Variants in EVL observed in about 807,000 individuals in gnomAD.
EVL encodes Enah/Vasp-like.
Under a neutral mutation model 59.6 loss-of-function variants are expected in EVL, and 21 were observed. The ratio of observed to expected loss-of-function variants is 0.35; its 90% CI spans 0.25 to 0.51. EVL has a LOEUF of 0.51. Among genes scored for constraint, EVL ranks in the 20% least tolerant of loss-of-function variants. The pLI is 0.97. For missense variants in EVL, 462 were observed against 546.6 expected (o/e 0.85, Z 1.54); for synonymous variants, 198 against 203.5 (o/e 0.97, Z 0.23).
chr14:100,077,649 G>A (rs889659047), intron 1 of EVL, among the ~76,000 whole-genome samples: 11 of 152,266 alleles, frequency 7.2e-5, no homozygotes, highest in South Asian at 2.1e-4. Flanking sequence ...ACCAGCAAAC[G>A]TGTGTTACAG....
At chr14:100,064,062 CCAAA>C (rs2061883494), upstream of EVL, among the ~76,000 whole-genome samples, 1 of 152,120 alleles carries the variant, frequency 6.6e-6, no homozygotes, top group Non-Finnish European at 1.5e-5. Flanking sequence ...TGCAATACAT[CCAAA>C]CTGTGGTTTG....
chr14:99,989,737 A>G (rs1231191579), intron 1 of EVL, among the ~76,000 whole-genome samples: 1 of 152,214 alleles, frequency 6.6e-6, no homozygotes, highest in Non-Finnish European at 1.5e-5. Flanking sequence ...GGAAAGTTCT[A>G]ATAGACAGTG....
At chr14:99,990,796 G>C (rs1413821987) in intron 1 of EVL, among the ~76,000 whole-genome samples, 1 of 152,042 alleles carries the variant, frequency 6.6e-6, no homozygotes, top group Non-Finnish European at 1.5e-5. Context: ...TGGCTATTGT[G>C]AATAATTCTG....
Position 100,065,464 on chromosome 14 carries a change from G to A in EVL, c.-37G>A, listed in dbSNP as rs199571737. On this transcript the variant is annotated 5_prime_UTR_variant, in exon 1 of 14. Coordinates refer to ENST00000392920, the MANE Select transcript of EVL (RefSeq NM_016337.3). ...ATAGGCTGGTGGGAGTACAGGACTC[G>A]CCTCCTCAGGGTTCCCTGTGCTGCC... is the stretch of plus-strand genomic sequence containing the variant. The A allele has an allele frequency of 1.1e-4, 168 of 1,462,838 alleles. No homozygotes were observed. The East Asian group carries it at 1.9e-3, about 16-fold the overall frequency. 90.6% of individuals were successfully genotyped at this position (1,462,838 alleles called of 1,614,324 possible).
chr14:100,068,072 G>A (rs1002842353), intron 1 of EVL, among the ~76,000 whole-genome samples: 7 of 152,226 alleles, frequency 4.6e-5, no homozygotes, highest in Middle Eastern at 3.4e-3. Flanking sequence ...GGGCAGAGTC[G>A]GGAGGCAGAA....
At chr14:100,048,244 T>C (rs1193468893) in intron 1 of EVL, among the ~76,000 whole-genome samples, 1 of 152,186 alleles carries the variant, frequency 6.6e-6, no homozygotes. Context: ...GGAGAAAATA[T>C]TTACAAATAC....
At chr14:100,138,148 C>A (rs1888930757) in intron 11 of EVL, 2 of 394,298 alleles carry the variant, frequency 5.1e-6, no homozygotes, top group South Asian at 5.4e-5. Flanking sequence ...AAAGTGAGGT[C>A]TGTTAACCCC....
chr14:100,084,296 C>T (rs965439406), intron 1 of EVL, among the ~76,000 whole-genome samples: 24 of 152,164 alleles, frequency 1.6e-4, no homozygotes, highest in African/African-American at 5.6e-4. Flanking sequence ...CCACCAGCCT[C>T]AGCCTCCCAA....
intron 1 of EVL, among the ~76,000 whole-genome samples, chr14:99,983,160 A>G (rs982560570): frequency 1.3e-5 from 2 of 152,180 alleles, no homozygotes; most frequent in Non-Finnish European, 2.9e-5. Context: ...ATATGACTTC[A>G]TATGTGATAA....
chr14:100,042,542 C>T (rs1038869008), intron 1 of EVL, among the ~76,000 whole-genome samples: 3 of 152,110 alleles, frequency 2.0e-5, no homozygotes, highest in African/African-American at 7.2e-5. Flanking sequence ...ATCTCTGGGC[C>T]CTGGGCCCAG....
chr14:100,001,691 T>C (rs888405846), intron 1 of EVL, among the ~76,000 whole-genome samples: 3 of 152,210 alleles, frequency 2.0e-5, no homozygotes, highest in Non-Finnish European at 4.4e-5. Flanking sequence ...TGAAGTCCCA[T>C]GATAACCTGG....
At chr14:99,981,110 T>C (rs2060803208) in intron 1 of EVL, among the ~76,000 whole-genome samples, 2 of 151,154 alleles carry the variant, frequency 1.3e-5, no homozygotes, top group African/African-American at 4.9e-5. Flanking sequence ...CTTTTTAGGC[T>C]TTTGGCTAGC....
intron 1 of EVL, among the ~76,000 whole-genome samples, chr14:99,988,203 G>GC (rs1305173392): frequency 1.3e-5 from 2 of 151,874 alleles, no homozygotes; most frequent in Non-Finnish European, 2.9e-5. Context: ...GGTGTGAGCC[G>GC]CCGTGCCTGG....
In EVL at chr14:100,108,004, G is replaced by A. The variant is rs1015897279; in HGVS notation, c.358+10346G>A. 1.3e-5 allele frequency: 2 copies of A among 152,208 alleles called. No homozygotes were observed. Among genetic ancestry groups the A allele is most frequent in the African/African-American group, 4.8e-5 (2 of 41,436 alleles). The allele number at this position is 152,208 out of a possible 1,614,324, so 9.4% of individuals were successfully genotyped here. A position where few individuals can be genotyped will look rare whatever the true frequency, so the allele number is the denominator to read the frequency against. On this transcript the variant is annotated intron_variant, in intron 3 of 13. Coordinates refer to ENST00000392920, the MANE Select transcript of EVL (RefSeq NM_016337.3). This position sits in a 1 kb window ranked among gnomAD's most constrained non-coding sequence, Gnocchi z 4.1. The stretch of plus-strand genomic sequence containing the variant: ...TTCTCTTTGGCTCTTGGAGCATAAT[G>A]TATGTCCTTTTCCTACTTGGTTTGC...
intron 1 of EVL, among the ~76,000 whole-genome samples, chr14:99,998,030 A>AT (rs1196914561): frequency 6.6e-6 from 1 of 151,136 alleles, no homozygotes; most frequent in Non-Finnish European, 1.5e-5. Context: ...TTTATTTTTT[A>AT]TTTTTTTGAG....
At chr14:100,143,635 G>T in intron 13 of EVL, 66 bp from the exon 14 acceptor site, 1 of 1,596,588 alleles carries the variant, frequency 6.3e-7, no homozygotes. Flanking sequence ...GGGGTGCGGG[G>T]CCCTGATGAG....
intron 3 of EVL, among the ~76,000 whole-genome samples, chr14:100,098,919 A>C (rs1294715987): frequency 6.6e-6 from 1 of 152,230 alleles, no homozygotes; most frequent in Non-Finnish European, 1.5e-5. Context: ...TGCCTGGCCT[A>C]GTAACAACTC....
At chr14:100,142,867 G>A (rs1326599429) in intron 13 of EVL, among the ~76,000 whole-genome samples, 1 of 152,222 alleles carries the variant, frequency 6.6e-6, no homozygotes, top group Admixed American at 6.5e-5. Flanking sequence ...CAGAAACCCA[G>A]GGCCCACCAC....
intron 2 of EVL, among the ~76,000 whole-genome samples, chr14:100,086,313 A>T (rs1443305535): frequency 6.6e-6 from 1 of 152,182 alleles, no homozygotes; most frequent in Non-Finnish European, 1.5e-5. Context: ...ACGTTGCAGG[A>T]TATACAGAAC....
Sources: gnomAD v4.1 joint callset for allele counts (sites outside exome capture counted in the v4.1 genomes callset) on GRCh38, gnomAD v4.1.1 for gene constraint, Gnocchi (gnomAD v3.1) non-coding constraint, MANE v1.5 for transcripts, NCBI Gene and HGNC (gene_info 2026-07-23, HGNC 2026-07-21) for gene names.